OSBPL6: variants seen among roughly 807,000 people sequenced by gnomAD.
The protein encoded by OSBPL6 is oxysterol-binding protein-related protein 6.
A neutral mutation model predicts 125.8 loss-of-function variants in OSBPL6; 49 were observed. The ratio of observed to expected loss-of-function variants is 0.39; its 90% CI spans 0.31 to 0.49. OSBPL6 has a LOEUF of 0.49. Ranked by LOEUF, OSBPL6 falls within the 20% of genes least tolerant of loss-of-function variation. The pLI, the probability that OSBPL6 is intolerant of heterozygous loss-of-function variation, is 0.88. For missense variants in OSBPL6, 986 were observed against 1,135.4 expected, an observed-to-expected ratio of 0.87 and a Z score of 1.89; for synonymous variants, 394 against 391.8, an observed-to-expected ratio of 1.01 and a Z score of -0.07.
At chr2:178,363,250 G>A (rs1378536118) in intron 13 of OSBPL6, among the ~76,000 whole-genome samples, 1 of 152,132 alleles carries the variant, frequency 6.6e-6, no homozygotes, top group African/African-American at 2.4e-5. Flanking sequence ...ACAGAGAATG[G>A]TAAATAAAGA....
Position 178,198,307 on chromosome 2 carries a change from T to A in OSBPL6, c.-351+3633T>A, listed in dbSNP as rs1413943635. 4.6e-5 allele frequency among the ~76,000 whole-genome samples: 7 copies of A among 152,194 alleles called. No homozygotes were observed. The East Asian group carries it at 7.7e-4, about 17-fold the overall frequency. On this transcript the variant is annotated intron_variant, in intron 1 of 24. Transcript: ENST00000190611. Reference sequence around the variant, plus strand: ...AGAATCTTGGCGTGTAGTATCAATTTTTTTTTTTCTTTCCAGACAGAATCT... The same window carrying A: ...AGAATCTTGGCGTGTAGTATCAATTATTTTTTTTCTTTCCAGACAGAATCT...
intron 9 of OSBPL6, 47 bp from the exon 10 acceptor site, chr2:178,338,944 G>T: frequency 1.5e-6 from 2 of 1,371,616 alleles, no homozygotes; most frequent in Non-Finnish European, 2.1e-6. Context: ...CATCCCCACC[G>T]CTCCCTACCC....
At chr2:178,233,822 A>G (rs1349724899) in intron 1 of OSBPL6, among the ~76,000 whole-genome samples, 1 of 152,206 alleles carries the variant, frequency 6.6e-6, no homozygotes, top group Admixed American at 6.5e-5. Flanking sequence ...ACTTAGGATG[A>G]TGAGCTTAGC....
intron 1 of OSBPL6, among the ~76,000 whole-genome samples, chr2:178,223,233 A>T (rs1467632727): frequency 6.6e-6 from 1 of 152,244 alleles, no homozygotes; most frequent in African/African-American, 2.4e-5. Flanking sequence ...ACATTGTCTT[A>T]AATCGCATCT....
chr2:178,233,347 T>C (rs2090913366), intron 1 of OSBPL6, among the ~76,000 whole-genome samples: 1 of 152,208 alleles, frequency 6.6e-6, no homozygotes, highest in Non-Finnish European at 1.5e-5. Context: ...GAACCAGCCT[T>C]GCTCTCTGAA....
In OSBPL6 at chr2:178,396,877, T is replaced by C. The variant is rs557051300; in HGVS notation, c.*1318T>C. 6.6e-6 allele frequency: 1 copy of C among 152,362 alleles called. No individual in the cohort carries two copies. The highest frequency in any genetic ancestry group is 6.5e-5 in the Admixed American group (1 of 15,310). 9.4% of individuals were successfully genotyped at this position (152,362 alleles called of 1,614,324 possible). ...ATATACAGAGGCTTTTGCAGAAAAC[T>C]TGCATCAGTATTCCTGTTTCTGCAC... On this transcript the variant is annotated 3_prime_UTR_variant, in exon 25 of 25. Coordinates refer to ENST00000190611, the MANE Select transcript of OSBPL6 (RefSeq NM_032523.4).
At chr2:178,302,949 T>C (rs924922048) in intron 2 of OSBPL6, among the ~76,000 whole-genome samples, 1 of 152,198 alleles carries the variant, frequency 6.6e-6, no homozygotes, top group Non-Finnish European at 1.5e-5. Context: ...ATCACAAAAG[T>C]ACCTCCTTTT....
intron 1 of OSBPL6, among the ~76,000 whole-genome samples, chr2:178,224,759 A>AC (rs1286084267): frequency 2.6e-5 from 4 of 152,064 alleles, no homozygotes; most frequent in South Asian, 2.1e-4. Flanking sequence ...ATATAATGAG[A>AC]CCCCATCTCT....
chr2:178,259,464 C>A (rs2091988517), intron 1 of OSBPL6, among the ~76,000 whole-genome samples: 3 of 103,410 alleles, frequency 2.9e-5, no homozygotes, highest in African/African-American at 9.2e-5. Flanking sequence ...AATTACTGTA[C>A]CCAGAGCTTG....
chr2:178,327,740 T>A, intron 4 of OSBPL6, among the ~76,000 whole-genome samples: 1 of 152,108 alleles, frequency 6.6e-6, no homozygotes. Flanking sequence ...TTATGTGCAC[T>A]TTGGAATGCA....
chr2:178,288,479 C>A (rs900406547), intron 2 of OSBPL6, among the ~76,000 whole-genome samples: 1 of 152,084 alleles, frequency 6.6e-6, no homozygotes, highest in Non-Finnish European at 1.5e-5. Flanking sequence ...AAATGAGTCG[C>A]CCAAACACCT....
chr2:178,298,694 G>GTTTTTT lies in OSBPL6; in HGVS notation c.-155-7336_-155-7335insTTTTTT, dbSNP rs757606940. On this transcript the variant is annotated intron_variant, in intron 2 of 24. Transcript: ENST00000190611. ...CACCATGCCCAGCCTATTTTTAGTT[G>GTTTTTT]CTTTTTTTTTTGTTTTTTTTTTTTT... Among the ~76,000 whole-genome samples, 166 of 139,402 alleles carry GTTTTTT rather than the reference G, an allele frequency of 1.2e-3. 4 individuals carry two copies. Among genetic ancestry groups the GTTTTTT allele is most frequent in the African/African-American group, 4.1e-3 (155 of 37,900 alleles). The allele number at this position is 139,402 out of a possible 152,430, so 91.5% of individuals were successfully genotyped here.
chr2:178,243,853 A>C (rs879748594), intron 1 of OSBPL6, among the ~76,000 whole-genome samples: 1 of 151,708 alleles, frequency 6.6e-6, no homozygotes, highest in African/African-American at 2.4e-5. Context: ...GGGTTTCACT[A>C]TGTTGGCCAG....
chr2:178,395,620 T>C lies in OSBPL6; in HGVS notation c.*61T>C. The stretch of plus-strand genomic sequence containing the variant: ...TGAATGAATAAATAACTATGCACAA[T>C]TATGTTTCTTATAGCTATGTGTGGT... On this transcript the variant is annotated 3_prime_UTR_variant, in exon 25 of 25. Transcript: ENST00000190611. 5 of 1,249,304 alleles carry C rather than the reference T, an allele frequency of 4.0e-6. No homozygotes were observed. The highest frequency in any genetic ancestry group is 5.8e-6 in the Non-Finnish European group (5 of 862,918). The allele number at this position is 1,249,304 out of a possible 1,614,324, so 77.4% of individuals were successfully genotyped here.
At chr2:178,196,106 CA>C (rs2088871665) in intron 1 of OSBPL6, among the ~76,000 whole-genome samples, 1 of 151,606 alleles carries the variant, frequency 6.6e-6, no homozygotes, top group South Asian at 2.1e-4. Context: ...ATTGCGGAGA[CA>C]AAGACTAATA....
rs1686737587 is a variant in OSBPL6 at position 178,306,133 on chromosome 2, A to G, written c.-52A>G. On this transcript the variant is annotated 5_prime_UTR_variant, in exon 3 of 25. An upstream open reading frame in the 5' UTR loses its in-frame stop. Coordinates refer to ENST00000190611, the MANE Select transcript of OSBPL6 (RefSeq NM_032523.4). Reference sequence around the variant, plus strand: ...ATCTACTTCTTTGTTTGTGGATTTGAGAGAAGATTGGGATGGTCTTAAGTG... The same window carrying G: ...ATCTACTTCTTTGTTTGTGGATTTGGGAGAAGATTGGGATGGTCTTAAGTG... 2 of 1,090,960 alleles carry G rather than the reference A, an allele frequency of 1.8e-6. No homozygotes were observed. The highest frequency in any genetic ancestry group is 2.8e-6 in the Non-Finnish European group (2 of 713,994). 67.6% of individuals were successfully genotyped at this position (1,090,960 alleles called of 1,614,324 possible).
chr2:178,384,230 T>C lies in OSBPL6; in HGVS notation c.2013+54T>C, dbSNP rs965273037. 6.4e-6 allele frequency: 10 copies of C among 1,574,786 alleles called. No individual in the cohort carries two copies. The African/African-American group carries it at 9.5e-5, about 15-fold the overall frequency. On this transcript the variant is annotated intron_variant, in intron 18 of 24. Transcript: ENST00000190611. The stretch of plus-strand genomic sequence containing the variant: ...CTATATAGGTAAGAGGACAGTTCGG[T>C]GATGAAAGCACCATTTCGATAACAA...
At chr2:178,283,642 A>G (rs1193929749) in intron 1 of OSBPL6, among the ~76,000 whole-genome samples, 1 of 152,186 alleles carries the variant, frequency 6.6e-6, no homozygotes, top group African/African-American at 2.4e-5. Context: ...TGTTGTCATA[A>G]AGGAATACCT....
chr2:178,207,354 G>A (rs149915832), intron 1 of OSBPL6, among the ~76,000 whole-genome samples: 1 of 152,136 alleles, frequency 6.6e-6, no homozygotes, highest in East Asian at 1.9e-4. Flanking sequence ...AACTCTCTCT[G>A]CCTCTGTCTT....
Sources: allele counts gnomAD v4.1 joint callset (sites outside exome capture counted in the v4.1 genomes callset), GRCh38; gene constraint gnomAD v4.1.1; transcripts MANE v1.5; gene names NCBI Gene and HGNC (gene_info 2026-07-23, HGNC 2026-07-21).